Variants in RIPOR2 observed in about 807,000 individuals in gnomAD.
The protein encoded by RIPOR2 is rho family-interacting cell polarization regulator 2.
In RIPOR2, 39 loss-of-function variants were observed where a neutral mutation model predicts 114.5. The ratio of observed to expected loss-of-function variants is 0.34; its 90% CI spans 0.26 to 0.44. The LOEUF is 0.44. RIPOR2 is among the 20% of genes least tolerant of loss of function. The pLI, the probability that RIPOR2 is intolerant of heterozygous loss-of-function variation, is 1.00. For synonymous variants in RIPOR2, 445 were observed against 484.4 expected (o/e 0.92, Z 1.07); for missense variants, 1,007 against 1,255.1 (o/e 0.80, Z 2.99).
At chr6:25,035,317 C>T (rs929531741) in intron 1 of RIPOR2, among the ~76,000 whole-genome samples, 2 of 152,210 alleles carry the variant, frequency 1.3e-5, no homozygotes, top group African/African-American at 2.4e-5. Context: ...GTAAACTCCT[C>T]ACTGACCTCC....
At chr6:24,848,335 A>G (rs971520207) in intron 11 of RIPOR2, among the ~76,000 whole-genome samples, 181 bp from the exon 12 acceptor site, 1 of 152,214 alleles carries the variant, frequency 6.6e-6, no homozygotes, top group African/African-American at 2.4e-5. Flanking sequence ...AGTGGAGCAG[A>G]AAACTGAGTC....
At chr6:24,810,125 C>G (rs1781046736) in intron 20 of RIPOR2, among the ~76,000 whole-genome samples, 1 of 152,176 alleles carries the variant, frequency 6.6e-6, no homozygotes, top group South Asian at 2.1e-4. Flanking sequence ...AGCCACTGTG[C>G]CCGGCCAGCT....
At chr6:24,876,115 A>C (rs1441714448) in intron 1 of RIPOR2, among the ~76,000 whole-genome samples, 1 of 151,990 alleles carries the variant, frequency 6.6e-6, no homozygotes, top group Non-Finnish European at 1.5e-5. Context: ...ACCTGGTGAA[A>C]CCCCATCTCT....
intron 1 of RIPOR2, among the ~76,000 whole-genome samples, chr6:24,909,549 T>C (rs1359664469): frequency 6.6e-6 from 1 of 151,926 alleles, no homozygotes; most frequent in Non-Finnish European, 1.5e-5. Context: ...ACAGACCCGA[T>C]AGAAAACAAA....
intron 4 of RIPOR2, among the ~76,000 whole-genome samples, chr6:24,872,448 G>A (rs963219077): frequency 6.6e-6 from 1 of 152,082 alleles, no homozygotes; most frequent in Non-Finnish European, 1.5e-5. Context: ...CGAACTCCTG[G>A]CCTCAAGCGT....
intron 1 of RIPOR2, among the ~76,000 whole-genome samples, chr6:25,004,775 TTGTG>T (rs554850153): frequency 1.3e-5 from 2 of 152,078 alleles, no homozygotes; most frequent in East Asian, 1.9e-4. Context: ...GGCATCTAGT[TTGTG>T]TGTGTGTGTG....
At chr6:24,824,088 A>G (rs1192833407) in intron 19 of RIPOR2, among the ~76,000 whole-genome samples, 1 of 152,164 alleles carries the variant, frequency 6.6e-6, no homozygotes, top group African/African-American at 2.4e-5. Flanking sequence ...CACATTTCGA[A>G]CACTGGCCCC....
chr6:24,843,777 G>A (rs1761988091), intron 12 of RIPOR2, among the ~76,000 whole-genome samples: 2 of 150,608 alleles, frequency 1.3e-5, no homozygotes, highest in Admixed American at 1.3e-4. Context: ...ATCAAGGACT[G>A]TTTCTATTGT....
At chr6:24,845,940 C>A (rs914655304) in intron 12 of RIPOR2, among the ~76,000 whole-genome samples, 4 of 152,110 alleles carry the variant, frequency 2.6e-5, no homozygotes, top group Admixed American at 6.5e-5. Context: ...GGGGCCCCAG[C>A]AGAGGATAGA....
chr6:24,880,007 C>T (rs945554157), intron 1 of RIPOR2, among the ~76,000 whole-genome samples: 7 of 152,204 alleles, frequency 4.6e-5, no homozygotes, highest in Non-Finnish European at 8.8e-5. Context: ...AAAGAAAGGA[C>T]TACAGTAGAA....
At chr6:24,946,003 A>G (rs1167743954) in intron 1 of RIPOR2, among the ~76,000 whole-genome samples, 1 of 152,138 alleles carries the variant, frequency 6.6e-6, no homozygotes, top group African/African-American at 2.4e-5. Context: ...AACCTCACTC[A>G]TCTCATTAAG....
intron 1 of RIPOR2, among the ~76,000 whole-genome samples, chr6:24,981,057 A>G (rs1485233019): frequency 1.3e-5 from 2 of 152,172 alleles, no homozygotes; most frequent in African/African-American, 2.4e-5. Context: ...ATTCTTTTCT[A>G]TGTTGCCACT....
intron 1 of RIPOR2, among the ~76,000 whole-genome samples, chr6:24,942,177 GA>G (rs1436500142): frequency 2.0e-5 from 3 of 152,108 alleles, no homozygotes; most frequent in Non-Finnish European, 4.4e-5. Context: ...TATTGTTATT[GA>G]AAAAATGAAT....
chr6:24,885,758 T>TA (rs36001491), intron 1 of RIPOR2, among the ~76,000 whole-genome samples: 19,422 of 152,194 alleles, frequency 0.13, 1,813 homozygotes, highest in African/African-American at 0.27. Flanking sequence ...TAAGACCTGG[T>TA]ATGTAGTAGG....
chr6:24,892,498 C>G (rs1215574198), intron 1 of RIPOR2, among the ~76,000 whole-genome samples: 1 of 152,208 alleles, frequency 6.6e-6, no homozygotes, highest in Non-Finnish European at 1.5e-5. Context: ...GGACTCAAAT[C>G]TCACTCTATT....
intron 1 of RIPOR2, among the ~76,000 whole-genome samples, chr6:24,995,278 G>A (rs1301937633): frequency 1.3e-5 from 2 of 152,218 alleles, no homozygotes; most frequent in Non-Finnish European, 2.9e-5. Flanking sequence ...GCAGAGGAGG[G>A]TGAGGCTTCA....
chr6:25,016,586 T>C (rs932907370), intron 1 of RIPOR2, among the ~76,000 whole-genome samples: 3 of 152,194 alleles, frequency 2.0e-5, no homozygotes, highest in African/African-American at 7.2e-5. Flanking sequence ...AATGACAAAA[T>C]AGTCACGAAT....
chr6:24,972,998 G>A (rs934746262), intron 1 of RIPOR2, among the ~76,000 whole-genome samples: 17 of 152,028 alleles, frequency 1.1e-4, no homozygotes, highest in Admixed American at 2.0e-4. Context: ...AGGGACATAC[G>A]TGCATCCCAG....
intron 1 of RIPOR2, among the ~76,000 whole-genome samples, chr6:25,031,737 A>C (rs1303527063): frequency 9.3e-6 from 1 of 107,448 alleles, no homozygotes; most frequent in African/African-American, 3.9e-5. Flanking sequence ...ATATATATAT[A>C]TATATATATA....
Sources: gnomAD v4.1 joint callset for allele counts (sites outside exome capture counted in the v4.1 genomes callset) on GRCh38, gnomAD v4.1.1 for gene constraint, MANE v1.5 for transcripts, NCBI Gene and HGNC (gene_info 2026-07-23, HGNC 2026-07-21) for gene names.